MON2: variants seen among roughly 807,000 people sequenced by gnomAD.
MON2 encodes the protein MON2 regulator of endosome-to-Golgi trafficking, also known as protein MON2 homolog.
MON2 carries 84 observed loss-of-function variants against 208.6 expected under a neutral mutation model. That is an observed-to-expected ratio of 0.40 (90% CI 0.34 to 0.48). The LOEUF is 0.48. Ranked by LOEUF, MON2 falls within the 20% of genes least tolerant of loss-of-function variation. MON2 has a pLI of 0.59. For missense variants in MON2, 1,611 were observed against 2,015.4 expected (o/e 0.80, Z 3.84); for synonymous variants, 660 against 694.0 (o/e 0.95, Z 0.77).
At chr12:62,530,823 C>A (rs1464953806) in intron 11 of MON2, among the ~76,000 whole-genome samples, 4 of 152,188 alleles carry the variant, frequency 2.6e-5, no homozygotes, top group Non-Finnish European at 5.9e-5. Flanking sequence ...ACTCTTTTCC[C>A]AAGCAACTAT....
At chr12:62,529,412 C>A (rs1592311626) in intron 11 of MON2, among the ~76,000 whole-genome samples, 3 of 152,092 alleles carry the variant, frequency 2.0e-5, no homozygotes, top group Admixed American at 2.0e-4. Flanking sequence ...TGAATGATCA[C>A]TATATATAGA....
In MON2 at chr12:62,466,873, G is replaced by C; in HGVS notation, c.-335G>C. 3 of 455,218 alleles carry C rather than the reference G, an allele frequency of 6.6e-6. No homozygotes were observed. The highest frequency in any genetic ancestry group is 1.2e-5 in the Non-Finnish European group (3 of 257,118). 28.2% of individuals were successfully genotyped at this position (455,218 alleles called of 1,614,324 possible). On this transcript the variant is annotated 5_prime_UTR_variant, in exon 1 of 35. Transcript: ENST00000393630. Reference sequence around the variant, plus strand: ...AGTCTTAGGGGCCTGGGGAGCTGGCGCTGAAGCTTCTTGCCAGGTTGGCTG... The same window carrying C: ...AGTCTTAGGGGCCTGGGGAGCTGGCCCTGAAGCTTCTTGCCAGGTTGGCTG...
rs753159311 is a variant in MON2, at chr12:62,524,584, C to T, written c.1054C>T (p.Arg352Ter). 6.2e-7 allele frequency: 1 copy of T among 1,613,446 alleles called. No homozygotes were observed. Among genetic ancestry groups the T allele is most frequent in the Non-Finnish European group, 8.5e-7 (1 of 1,179,554 alleles). Residue 352 changes from arginine to a stop codon, truncating the protein, a stop_gained, in exon 9 of 35, where the codon CGA becomes TGA. Transcript: ENST00000393630. LOFTEE classifies it high-confidence loss of function. ...GGATGCAGATAAACCACAGTGGCTA[C>T]GAGCTGTTGCGGTGGAATCAATACA... Reference protein sequence around the residue: ...FLDADKPQWLRAVAVESIHRF... With the variant: ...FLDADKPQWL
intron 7 of MON2, among the ~76,000 whole-genome samples, chr12:62,505,607 G>A (rs894169701): frequency 1.3e-5 from 2 of 152,112 alleles, no homozygotes; most frequent in East Asian, 1.9e-4. Context: ...TCTGGTAGGC[G>A]CAGTGGCTCA....
At chr12:62,470,064 G>A (rs963516748) in intron 1 of MON2, among the ~76,000 whole-genome samples, 2 of 151,544 alleles carry the variant, frequency 1.3e-5, no homozygotes, top group Non-Finnish European at 2.9e-5. Context: ...GCCACCACAC[G>A]CAGCTGATTT....
intron 29 of MON2, among the ~76,000 whole-genome samples, chr12:62,569,706 A>C (rs2074514103): frequency 6.6e-6 from 1 of 152,170 alleles, no homozygotes; most frequent in African/African-American, 2.4e-5. Context: ...TCATTGGCTT[A>C]ATCAACTCAT....
intron 28 of MON2, 58 bp downstream of exon 28, chr12:62,566,089 T>A: frequency 6.5e-7 from 1 of 1,538,320 alleles, no homozygotes; most frequent in Non-Finnish European, 8.9e-7. Context: ...AGTACATCTT[T>A]CCCGGTTCTT....
At chr12:62,591,346 C>T (rs1480121442) in intron 34 of MON2, among the ~76,000 whole-genome samples, 2 of 152,302 alleles carry the variant, frequency 1.3e-5, no homozygotes, top group Admixed American at 6.5e-5. Context: ...CTTCTTATCA[C>T]ACCCACCCTG....
chr12:62,568,173 G>A (rs914222931), intron 29 of MON2, among the ~76,000 whole-genome samples: 5 of 152,162 alleles, frequency 3.3e-5, no homozygotes, highest in Non-Finnish European at 7.4e-5. Context: ...AAATTAAGCC[G>A]TGTTAAAGAT....
chr12:62,585,644 TA>T (rs1170100113), intron 33 of MON2, 143 bp downstream of exon 33: 137 of 629,228 alleles, frequency 2.2e-4, no homozygotes, highest in Middle Eastern at 4.7e-4. Context: ...CCATATGGTG[TA>T]AATATTCACA....
At position 62,547,069 on chromosome 12, in the gene MON2, A is replaced by G. The variant is rs1243783244; in HGVS notation, c.2750A>G (p.Gln917Arg). Residue 917 changes from glutamine (Q) to arginine (R), a missense_variant, in exon 22 of 35, where the codon CAA (glutamine) becomes CGA (arginine). Physicochemically the swap from Gln to Arg is conservative, Grantham distance 43. Coordinates refer to ENST00000393630, the MANE Select transcript of MON2 (RefSeq NM_015026.3). ...LGVMGAIRND[Q>R]GESLIRTAFQ... is the part of the protein sequence containing the mutation. Reference sequence around the variant, plus strand: ...GTCATGGGAGCAATCAGAAATGATCAAGGGTAAGTATTTAAAATTATTTGA... The same window carrying G: ...GTCATGGGAGCAATCAGAAATGATCGAGGGTAAGTATTTAAAATTATTTGA... 3 of 1,494,436 alleles carry G rather than the reference A, an allele frequency of 2.0e-6. No homozygotes were observed. Among genetic ancestry groups the G allele is most frequent in the South Asian group, 1.5e-5 (1 of 67,764 alleles). 92.6% of individuals were successfully genotyped at this position (1,494,436 alleles called of 1,614,324 possible).
At chr12:62,496,978 TA>T (rs1373630880) in intron 4 of MON2, among the ~76,000 whole-genome samples, 3 of 144,750 alleles carry the variant, frequency 2.1e-5, no homozygotes, top group African/African-American at 7.7e-5. Flanking sequence ...TATGCAGCCA[TA>T]AAAAATGATG....
Position 62,537,726 on chromosome 12 carries a change from T to TC in MON2, c.2118+21dup. Reference sequence around the variant, plus strand: ...CTTCAGGTATGTAAAAGTGTCTAGGTCAGAGATTAGTGTTGTTTTTATATA... The same window carrying TC: ...CTTCAGGTATGTAAAAGTGTCTAGGTCCAGAGATTAGTGTTGTTTTTATATA... On this transcript the variant is annotated intron_variant, in intron 16 of 34. Transcript: ENST00000393630. 1 of 1,550,022 alleles carries TC rather than the reference T, an allele frequency of 6.5e-7. No individual in the cohort carries two copies. The highest frequency in any genetic ancestry group is 8.8e-7 in the Non-Finnish European group (1 of 1,130,032).
At chr12:62,491,724 CTCTAAGATTA>C (rs2070153201) in intron 2 of MON2, among the ~76,000 whole-genome samples, 1 of 152,140 alleles carries the variant, frequency 6.6e-6, no homozygotes, top group Non-Finnish European at 1.5e-5. Flanking sequence ...CCTGTAAACT[CTCTAAGATTA>C]TTGAGATGCT....
At chr12:62,481,227 T>C (rs929678783) in intron 1 of MON2, among the ~76,000 whole-genome samples, 1 of 152,110 alleles carries the variant, frequency 6.6e-6, no homozygotes, top group Non-Finnish European at 1.5e-5. Context: ...TGAAGATTTT[T>C]AAAAATACTG....
chr12:62,490,333 T>G (rs547596157), intron 2 of MON2, among the ~76,000 whole-genome samples: 127 of 152,248 alleles, frequency 8.3e-4, no homozygotes, highest in South Asian at 1.7e-3. Flanking sequence ...TTTCTGTTTT[T>G]TTTTGTTTTG....
rs2074339259 is a variant in MON2, at chr12:62,565,311, A to C, written c.4107A>C (p.Glu1369Asp). 2 of 1,613,076 alleles carry C rather than the reference A, an allele frequency of 1.2e-6. No individual in the cohort carries two copies. Among genetic ancestry groups the C allele is most frequent in the East Asian group, 4.5e-5 (2 of 44,794 alleles). ...AIFDQLLAFVEFSCKPPQYGQ... is the reference protein window; with the variant it reads ...AIFDQLLAFVDFSCKPPQYGQ... The stretch of plus-strand genomic sequence containing the variant: ...TTGACCAGTTGTTGGCATTTGTAGA[A>C]TTTTCCTGTAAACCTCCACAGTATG... Residue 1369 changes from glutamate (E) to aspartate (D), a missense_variant, in exon 27 of 35, where the codon GAA (glutamate) becomes GAC (aspartate). Coordinates refer to ENST00000393630, the MANE Select transcript of MON2 (RefSeq NM_015026.3).
chr12:62,523,168 T>A (rs1477356881), intron 8 of MON2, among the ~76,000 whole-genome samples: 1 of 152,188 alleles, frequency 6.6e-6, no homozygotes, highest in Non-Finnish European at 1.5e-5. Flanking sequence ...TGTTGTCCAA[T>A]GAGTCACTAG....
chr12:62,562,790 G>A (rs1422110170), intron 26 of MON2, among the ~76,000 whole-genome samples: 1 of 152,020 alleles, frequency 6.6e-6, no homozygotes, highest in Non-Finnish European at 1.5e-5. Flanking sequence ...TCTTTCTAAA[G>A]GGGAGCATTT....
Sources: gnomAD v4.1 joint callset for allele counts (sites outside exome capture counted in the v4.1 genomes callset) on GRCh38, gnomAD v4.1.1 for gene constraint, MANE v1.5 for transcripts, NCBI Gene and HGNC (gene_info 2026-07-23, HGNC 2026-07-21) for gene names.